Variants in C12orf42 observed in about 807,000 individuals in gnomAD.
The protein encoded by C12orf42 is chromosome 12 open reading frame 42.
C12orf42 carries 25 observed loss-of-function variants against 21.6 expected under a neutral mutation model. The ratio of observed to expected loss-of-function variants is 1.16; its 90% CI spans 0.84 to 1.62. The LOEUF is 1.62. Ranked by LOEUF, C12orf42 falls within the 40% of genes most tolerant of loss-of-function variation. The pLI, the probability that C12orf42 is intolerant of heterozygous loss-of-function variation, is 0.00. For missense variants in C12orf42, 483 were observed against 459.3 expected (o/e 1.05, Z -0.47); for synonymous variants, 174 against 175.0 (o/e 0.99, Z 0.05).
chr12:103,493,391 G>T (rs1334391169), intron 1 of C12orf42, among the ~76,000 whole-genome samples: 2 of 151,768 alleles, frequency 1.3e-5, no homozygotes, highest in African/African-American at 4.8e-5. Flanking sequence ...ACATGCCTCT[G>T]CTTGCTTGAT....
the C12orf42 span, among the ~76,000 whole-genome samples, chr12:103,552,000 A>T: frequency 1.3e-5 from 2 of 152,066 alleles, no homozygotes; most frequent in East Asian, 3.9e-4. Flanking sequence ...TGGCTCATTT[A>T]TTCACAAGAA....
chr12:103,452,944 G>A (rs1156315317), intron 2 of C12orf42, among the ~76,000 whole-genome samples: 2 of 151,998 alleles, frequency 1.3e-5, no homozygotes, highest in Non-Finnish European at 2.9e-5. Context: ...GTTAATGGGT[G>A]CAGCACACCA....
At position 103,362,076 on chromosome 12, in the gene C12orf42, C is replaced by T. The variant is rs367981054; in HGVS notation, c.259+6811G>A. Among the ~76,000 whole-genome samples, 6 of 152,224 alleles carry T rather than the reference C, an allele frequency of 3.9e-5. No homozygotes were observed. In the South Asian group the frequency reaches 6.2e-4, roughly 16 times the overall value. ...GCACAAAAACAGTGCATTAAACAACCAAAATTAAGGATTCTCACAGAGTCC... is the reference window on the plus strand; with the variant it reads ...GCACAAAAACAGTGCATTAAACAACTAAAATTAAGGATTCTCACAGAGTCC... On this transcript the variant is annotated intron_variant, in intron 4 of 5. Transcript: ENST00000548883.
At chr12:103,461,147 G>A (rs1427254843) in intron 2 of C12orf42, among the ~76,000 whole-genome samples, 8 of 152,104 alleles carry the variant, frequency 5.3e-5, no homozygotes, top group East Asian at 1.9e-4. Context: ...TTGAATTATG[G>A]TGAAATTTTA....
chr12:103,225,459 T>C, the C12orf42 span, among the ~76,000 whole-genome samples: 1 of 152,136 alleles, frequency 6.6e-6, no homozygotes, highest in Admixed American at 6.5e-5. Context: ...TAGGTTTTAA[T>C]AAGATGGTAA....
At chr12:103,384,530 T>C (rs978640467) in intron 3 of C12orf42, among the ~76,000 whole-genome samples, 16 of 152,232 alleles carry the variant, frequency 1.1e-4, no homozygotes, top group South Asian at 6.2e-4. Flanking sequence ...AGGTAACACA[T>C]GTAAAATACA....
the C12orf42 span, among the ~76,000 whole-genome samples, chr12:103,207,140 A>T: frequency 4.6e-5 from 7 of 152,236 alleles, no homozygotes; most frequent in Admixed American, 2.6e-4. Flanking sequence ...CCATTAGAGA[A>T]GTAATATCCC....
chr12:103,201,836 G>T, the C12orf42 span, among the ~76,000 whole-genome samples: 95 of 152,204 alleles, frequency 6.2e-4, 2 homozygotes, highest in Admixed American at 6.2e-3. Context: ...GACCCATTTT[G>T]AAGTTGAATA....
the C12orf42 span, among the ~76,000 whole-genome samples, chr12:103,075,989 T>C: frequency 6.6e-6 from 1 of 152,142 alleles, no homozygotes; most frequent in Non-Finnish European, 1.5e-5. Context: ...GTTTTGGATA[T>C]GTGGAGTTTG....
chr12:103,085,416 A>C, the C12orf42 span, among the ~76,000 whole-genome samples: 1 of 152,118 alleles, frequency 6.6e-6, no homozygotes, highest in Non-Finnish European at 1.5e-5. Context: ...GCTCATTCAA[A>C]TCTAACTCAC....
the C12orf42 span, among the ~76,000 whole-genome samples, chr12:103,153,226 G>A: frequency 6.6e-6 from 1 of 152,078 alleles, no homozygotes; most frequent in African/African-American, 2.4e-5. Context: ...AAAGCATTTG[G>A]AGGAAAAAAT....
intron 2 of C12orf42, among the ~76,000 whole-genome samples, chr12:103,450,236 T>A (rs919146806): frequency 3.0e-4 from 45 of 152,218 alleles, no homozygotes; most frequent in African/African-American, 1.1e-3. Context: ...GTTTACTAGA[T>A]TTGTGTTTAG....
chr12:103,513,728 C>G, the C12orf42 span, among the ~76,000 whole-genome samples: 5 of 152,256 alleles, frequency 3.3e-5, no homozygotes, highest in Admixed American at 2.6e-4. Context: ...GCATTCAATC[C>G]TTCAACAAGT....
the C12orf42 span, among the ~76,000 whole-genome samples, chr12:103,149,576 G>A: frequency 7.3e-6 from 1 of 136,470 alleles, no homozygotes; most frequent in Non-Finnish European, 1.6e-5. Context: ...GATTATGGGG[G>A]CGGTTTCCCC....
chr12:103,245,648 GA>G lies in C12orf42; in HGVS notation c.*1367-7747del, dbSNP rs376188764. ...CTGCCACGAAGATTACTAATTGTAA[GA>G]GCCAAATACTGGGCCAAAAAATTCT... is the stretch of plus-strand genomic sequence containing the variant. On this transcript the variant is annotated intron_variant and NMD_transcript_variant, in intron 10 of 10. Coordinates refer to the C12orf42 transcript ENST00000547347. Among the ~76,000 whole-genome samples, 38 of 152,166 alleles carry G rather than the reference GA, an allele frequency of 2.5e-4. No individual in the cohort carries two copies. The South Asian group carries it at 7.7e-3, about 31-fold the overall frequency.
At position 103,376,733 on chromosome 12, in the gene C12orf42, A is replaced by G. The variant is rs1335252560; in HGVS notation, c.148-7735T>C. Among the ~76,000 whole-genome samples, 6 of 152,132 alleles carry G rather than the reference A, an allele frequency of 3.9e-5. No individual in the cohort carries two copies. The South Asian group carries it at 1.2e-3, about 32-fold the overall frequency. On this transcript the variant is annotated intron_variant, in intron 3 of 5. Coordinates refer to ENST00000548883, the MANE Select transcript of C12orf42 (RefSeq NM_198521.5). ...TTTTATGATCTCTTTGTCACTATTG[A>G]AATAACATTATAACAAAGTGTCTTA... is the stretch of plus-strand genomic sequence containing the variant.
At chr12:103,557,231 G>A in the C12orf42 span, among the ~76,000 whole-genome samples, 8 of 152,104 alleles carry the variant, frequency 5.3e-5, no homozygotes, top group Non-Finnish European at 1.2e-4. Context: ...GCTCATTAGA[G>A]GACACAAGGT....
intron 1 of C12orf42, among the ~76,000 whole-genome samples, chr12:103,488,720 C>T (rs541180164): frequency 2.0e-5 from 3 of 152,190 alleles, no homozygotes; most frequent in South Asian, 2.1e-4. Context: ...TCTCTGATAC[C>T]GTTTCTTCCG....
At chr12:103,242,484 T>A (rs1371227785) in intron 10 of C12orf42, among the ~76,000 whole-genome samples, 16 of 152,172 alleles carry the variant, frequency 1.1e-4, no homozygotes, top group Admixed American at 1.0e-3. Flanking sequence ...AAATATTGTT[T>A]TTAATACTTC....
Sources: gnomAD v4.1 joint callset for allele counts (sites outside exome capture counted in the v4.1 genomes callset) on GRCh38, gnomAD v4.1.1 for gene constraint, MANE v1.5 for transcripts, NCBI Gene and HGNC (gene_info 2026-07-23, HGNC 2026-07-21) for gene names.